Variants in LRRC4C observed in about 807,000 individuals in gnomAD.
LRRC4C encodes the protein leucine rich repeat containing 4C.
Under a neutral mutation model 33.6 loss-of-function variants are expected in LRRC4C, and 5 were observed. The observed-to-expected ratio is 0.15, with a 90% confidence interval of 0.08 to 0.31. The LOEUF (loss-of-function observed/expected upper bound fraction) is 0.31, where lower values mean the gene tolerates loss of function less well. LRRC4C is among the 10% of genes least tolerant of loss of function. The pLI, the probability that LRRC4C is intolerant of heterozygous loss-of-function variation, is 1.00. For synonymous variants in LRRC4C, 329 were observed against 302.0 expected, an observed-to-expected ratio of 1.09 and a Z score of -0.93; for missense variants, 560 against 796.7, an observed-to-expected ratio of 0.70 and a Z score of 3.58.
At chr11:40,250,488 C>T (rs1022704325) in intron 4 of LRRC4C, among the ~76,000 whole-genome samples, 15 of 151,888 alleles carry the variant, frequency 9.9e-5, no homozygotes, top group African/African-American at 2.7e-4. Context: ...GCCTGTAACC[C>T]CAGCACTTTG....
At chr11:41,443,110 G>A (rs900392822) in intron 1 of LRRC4C, among the ~76,000 whole-genome samples, 1 of 18,598 alleles carries the variant, frequency 5.4e-5, no homozygotes, top group Non-Finnish European at 1.4e-4. Flanking sequence ...TTTTTTTTTT[G>A]CTTCAACATA....
rs74591674 is a variant in LRRC4C, at chr11:41,253,445, A to G, written c.-496+205986T>C. ...ATATGAGTTCACGTTTACTCATATC[A>G]TGAGTCTGACAATATTACAGGGTTA... On this transcript the variant is annotated intron_variant, in intron 1 of 6. Coordinates refer to ENST00000528697, the MANE Select transcript of LRRC4C (RefSeq NM_001258419.2). Among the ~76,000 whole-genome samples, 692 of 152,222 alleles carry G rather than the reference A, an allele frequency of 4.5e-3. 14 individuals carry two copies. In the East Asian group the frequency reaches 0.047, roughly 10 times the overall value.
chr11:41,132,512 G>GA (rs888812925), intron 1 of LRRC4C, among the ~76,000 whole-genome samples: 1 of 151,856 alleles, frequency 6.6e-6, no homozygotes, highest in South Asian at 2.1e-4. Context: ...TTGTATAAGA[G>GA]AAAAAAATTC....
intron 1 of LRRC4C, among the ~76,000 whole-genome samples, chr11:41,022,141 T>TA (rs761483240): frequency 0.024 from 2,625 of 107,926 alleles, 30 homozygotes; most frequent in Middle Eastern, 0.05. Flanking sequence ...ACAATTTTGT[T>TA]TTATATATAT....
At chr11:40,287,054 A>T (rs1943891030) in intron 4 of LRRC4C, among the ~76,000 whole-genome samples, 1 of 152,150 alleles carries the variant, frequency 6.6e-6, no homozygotes, top group African/African-American at 2.4e-5. Flanking sequence ...TGAACTCAGG[A>T]TCCTAAAATC....
chr11:41,058,300 C>T (rs943541287), intron 1 of LRRC4C, among the ~76,000 whole-genome samples: 1 of 152,238 alleles, frequency 6.6e-6, no homozygotes, highest in Non-Finnish European at 1.5e-5. Flanking sequence ...TGTGGTGCAG[C>T]TGGTCTGGCT....
At chr11:40,737,576 TA>T (rs139681677) in intron 2 of LRRC4C, among the ~76,000 whole-genome samples, 189 of 150,276 alleles carry the variant, frequency 1.3e-3, no homozygotes, top group Middle Eastern at 0.01. Context: ...ACACCAATAA[TA>T]AAAAAAAACA....
At chr11:40,968,762 A>G (rs962604877) in intron 1 of LRRC4C, among the ~76,000 whole-genome samples, 7 of 152,156 alleles carry the variant, frequency 4.6e-5, no homozygotes, top group Non-Finnish European at 7.4e-5. Context: ...ACTGTTTAGA[A>G]AAAAAATGAA....
At chr11:40,243,385 C>T (rs1339802044) in intron 4 of LRRC4C, among the ~76,000 whole-genome samples, 2 of 152,070 alleles carry the variant, frequency 1.3e-5, no homozygotes, top group African/African-American at 4.8e-5. Flanking sequence ...AAGTACCTTC[C>T]TAGAATTTGA....
intron 5 of LRRC4C, among the ~76,000 whole-genome samples, chr11:40,144,939 C>T (rs1857618000): frequency 6.6e-6 from 1 of 152,146 alleles, no homozygotes; most frequent in Non-Finnish European, 1.5e-5. Context: ...ACTTCTATGT[C>T]CAATGTGAGA....
chr11:41,235,769 G>C (rs1304613379), intron 1 of LRRC4C, among the ~76,000 whole-genome samples: 1 of 152,074 alleles, frequency 6.6e-6, no homozygotes, highest in African/African-American at 2.4e-5. Flanking sequence ...CCTCATCTCT[G>C]TCTTATATGG....
At position 41,253,398 on chromosome 11, in the gene LRRC4C, C is replaced by A. The variant is rs368739386; in HGVS notation, c.-496+206033G>T. On this transcript the variant is annotated intron_variant, in intron 1 of 6. Transcript: ENST00000528697. ...CCAGTTAACTATTAAGTATTTAAAC[C>A]TGTACTTCTGAAGACCATTTCATAT... 1.9e-4 allele frequency among the ~76,000 whole-genome samples: 29 copies of A among 152,150 alleles called. 1 individual carries two copies. Among genetic ancestry groups the A allele is most frequent in the Middle Eastern group, 6.8e-3 (2 of 294 alleles).
intron 2 of LRRC4C, among the ~76,000 whole-genome samples, chr11:40,665,343 T>TAC (rs1262369486): frequency 4.0e-4 from 6 of 15,148 alleles, no homozygotes; most frequent in Non-Finnish European, 8.9e-4. Context: ...TATATATATA[T>TAC]ATATATATAT....
chr11:40,439,324 T>C (rs569642098), intron 3 of LRRC4C, among the ~76,000 whole-genome samples: 58 of 152,224 alleles, frequency 3.8e-4, no homozygotes, highest in Non-Finnish European at 7.6e-4. Context: ...TCAGAATGTA[T>C]GTGCTGTGGG....
At chr11:41,055,107 C>T (rs1858522754) in intron 1 of LRRC4C, among the ~76,000 whole-genome samples, 1 of 152,120 alleles carries the variant, frequency 6.6e-6, no homozygotes, top group Non-Finnish European at 1.5e-5. Flanking sequence ...CTCTAGCCTC[C>T]CTTTTCCTCA....
At chr11:40,571,123 A>C (rs1957966851) in intron 3 of LRRC4C, among the ~76,000 whole-genome samples, 1 of 152,106 alleles carries the variant, frequency 6.6e-6, no homozygotes, top group South Asian at 2.1e-4. Flanking sequence ...ATAAAATTGC[A>C]TTAATGGTAG....
intron 3 of LRRC4C, among the ~76,000 whole-genome samples, chr11:40,466,273 A>C (rs1952646835): frequency 6.6e-6 from 1 of 152,034 alleles, no homozygotes; most frequent in South Asian, 2.1e-4. Flanking sequence ...ATGTGGGAGA[A>C]TGGGGGGAGA....
chr11:40,278,040 C>T (rs1447345212), intron 4 of LRRC4C, among the ~76,000 whole-genome samples: 1 of 152,138 alleles, frequency 6.6e-6, no homozygotes, highest in Non-Finnish European at 1.5e-5. Context: ...AATATATGAA[C>T]TTGGTTTGAT....
At chr11:40,133,183 C>A (rs189792882) in intron 6 of LRRC4C, among the ~76,000 whole-genome samples, 1 of 152,048 alleles carries the variant, frequency 6.6e-6, no homozygotes, top group African/African-American at 2.4e-5. Context: ...ATTAATCCTT[C>A]GAAAATGCTC....
Sources: gnomAD v4.1 joint callset for allele counts (sites outside exome capture counted in the v4.1 genomes callset) on GRCh38, gnomAD v4.1.1 for gene constraint, MANE v1.5 for transcripts, NCBI Gene and HGNC (gene_info 2026-07-23, HGNC 2026-07-21) for gene names.